The following PACSIN2 variants were observed in gnomAD, a reference collection of about 807,000 sequenced individuals.
PACSIN2 encodes protein kinase C and casein kinase substrate in neurons 2.
Under a neutral mutation model 63.8 loss-of-function variants are expected in PACSIN2, and 25 were observed. The observed-to-expected ratio is 0.39, with a 90% CI of 0.29 to 0.55. The LOEUF (loss-of-function observed/expected upper bound fraction) is 0.55. Ranked by LOEUF, PACSIN2 falls within the 20% of genes least tolerant of loss-of-function variation. The pLI, the probability that PACSIN2 is intolerant of heterozygous loss-of-function variation, is 0.62. For synonymous variants in PACSIN2, 255 were observed against 256.2 expected (o/e 1.00, Z 0.05); for missense variants, 518 against 646.9 (o/e 0.80, Z 2.16).
chr22:42,871,584 C>T lies in PACSIN2; in HGVS notation c.1349-115G>A, dbSNP rs1041730612. The T allele has an allele frequency of 2.3e-5, 19 of 810,760 alleles. No individual in the cohort carries two copies. Among genetic ancestry groups the T allele is most frequent in the Admixed American group, 3.9e-5 (2 of 51,078 alleles). The allele number at this position is 810,760 out of a possible 1,614,324, so 50.2% of individuals were successfully genotyped here. ...GGGTGGAGGGCCAGGCATTCTGTGG[C>T]GGGCAGGCCGAGGGCCTGGTCATTT... On this transcript the variant is annotated intron_variant, in intron 10 of 10. Coordinates refer to ENST00000263246, the MANE Select transcript of PACSIN2 (RefSeq NM_001184970.3). This position sits in a 1 kb window ranked among gnomAD's most constrained non-coding sequence, Gnocchi z 5.4.
intron 2 of PACSIN2, among the ~76,000 whole-genome samples, chr22:42,898,186 A>C (rs1007770037): frequency 1.3e-5 from 2 of 152,010 alleles, no homozygotes; most frequent in African/African-American, 4.8e-5. Flanking sequence ...GGTCGTGGGA[A>C]TCCCTGGCTC....
At chr22:42,960,915 T>C (rs1215196495) in intron 1 of PACSIN2, among the ~76,000 whole-genome samples, 2 of 152,210 alleles carry the variant, frequency 1.3e-5, no homozygotes, top group Admixed American at 6.5e-5. Context: ...AGAGTAGATA[T>C]GGAAACCAAC....
intron 1 of PACSIN2, among the ~76,000 whole-genome samples, chr22:42,926,990 T>A (rs1035944263): frequency 6.6e-6 from 1 of 152,170 alleles, no homozygotes; most frequent in African/African-American, 2.4e-5. Flanking sequence ...CTGGCTCTCC[T>A]CTTTCCAGCC....
chr22:42,960,123 C>T (rs957186785), intron 1 of PACSIN2, among the ~76,000 whole-genome samples: 2 of 152,096 alleles, frequency 1.3e-5, no homozygotes, highest in Admixed American at 6.6e-5. Context: ...ACCCCCTCCC[C>T]AACACACAAA....
intron 2 of PACSIN2, 81 bp from the exon 3 acceptor site, chr22:42,893,694 C>A: frequency 6.8e-7 from 1 of 1,462,546 alleles, no homozygotes; most frequent in Non-Finnish European, 9.4e-7. Context: ...TCCATGCCAA[C>A]CAGGCCCTGA....
intron 4 of PACSIN2, among the ~76,000 whole-genome samples, chr22:42,890,674 C>T (rs1286216244): frequency 6.6e-6 from 1 of 152,194 alleles, no homozygotes; most frequent in Non-Finnish European, 1.5e-5. Flanking sequence ...GAGATTGCAC[C>T]ACTGCACTCC....
intron 1 of PACSIN2, among the ~76,000 whole-genome samples, chr22:42,949,456 A>G (rs909706056): frequency 3.4e-5 from 5 of 148,790 alleles, no homozygotes; most frequent in Non-Finnish European, 5.9e-5. Context: ...TCATACACAC[A>G]CGCGCGCGCA....
intron 1 of PACSIN2, among the ~76,000 whole-genome samples, chr22:42,943,866 C>T (rs1284744361): frequency 2.0e-5 from 3 of 151,934 alleles, no homozygotes; most frequent in Admixed American, 6.6e-5. Flanking sequence ...TTGCACAATA[C>T]AATATAGAAA....
chr22:42,978,478 A>G (rs1009830035), intron 1 of PACSIN2, among the ~76,000 whole-genome samples: 1 of 152,216 alleles, frequency 6.6e-6, no homozygotes, highest in Admixed American at 6.5e-5. Flanking sequence ...TTGGTGGCAG[A>G]GCCAAAAGTC....
intron 1 of PACSIN2, among the ~76,000 whole-genome samples, chr22:42,956,699 A>C (rs1019974066): frequency 1.3e-5 from 2 of 152,094 alleles, no homozygotes; most frequent in African/African-American, 2.4e-5. Context: ...GACATGAAAA[A>C]GGCCCAAACA....
intron 1 of PACSIN2, among the ~76,000 whole-genome samples, chr22:42,983,964 C>CTTT (rs532427677): frequency 4.9e-4 from 51 of 104,612 alleles, no homozygotes; most frequent in African/African-American, 1.1e-3. Flanking sequence ...GCACTTAGCA[C>CTTT]TTTTTTTTTT....
At chr22:43,014,625 C>T (rs910768878) in intron 1 of PACSIN2, among the ~76,000 whole-genome samples, 2 of 152,000 alleles carry the variant, frequency 1.3e-5, no homozygotes, top group Non-Finnish European at 2.9e-5. Flanking sequence ...CCCAGCTCCC[C>T]CTTCTGCAGC....
chr22:42,987,399 A>C lies in PACSIN2; in HGVS notation c.-78+27622T>G, dbSNP rs1327122169. Among the ~76,000 whole-genome samples, 28 of 147,926 alleles carry C rather than the reference A, an allele frequency of 1.9e-4. No homozygotes were observed. The Admixed American group carries it at 1.9e-3, about 10-fold the overall frequency. On this transcript the variant is annotated intron_variant, in intron 1 of 10. Transcript: ENST00000263246. Reference sequence around the variant, plus strand: ...CAGGTGGCTCTGCCCGAGGGACCTCACTGGCCACCCAGCATGTGGTTTGAG... The same window carrying C: ...CAGGTGGCTCTGCCCGAGGGACCTCCCTGGCCACCCAGCATGTGGTTTGAG...
intron 1 of PACSIN2, among the ~76,000 whole-genome samples, chr22:42,919,774 A>AC (rs1314084585): frequency 9.4e-6 from 1 of 106,038 alleles, no homozygotes; most frequent in Non-Finnish European, 1.8e-5. Flanking sequence ...ACCTGTCTCA[A>AC]AAAAAAAAAA....
chr22:42,946,700 A>G (rs1262132858), intron 1 of PACSIN2, among the ~76,000 whole-genome samples: 1 of 152,198 alleles, frequency 6.6e-6, no homozygotes, highest in Non-Finnish European at 1.5e-5. Flanking sequence ...GCATGCGCAC[A>G]CACATGATCC....
In PACSIN2 at chr22:42,961,690, T is replaced by C. The variant is rs146014246; in HGVS notation, c.-77-49533A>G. On this transcript the variant is annotated intron_variant, in intron 1 of 10. Coordinates refer to ENST00000263246, the MANE Select transcript of PACSIN2 (RefSeq NM_001184970.3). The stretch of plus-strand genomic sequence containing the variant: ...CAGGAGGCTGAGGCACGAGAATCGC[T>C]TGACCCCAGGGAGCAGAGGTTGCAG... 1.9e-4 allele frequency among the ~76,000 whole-genome samples: 29 copies of C among 152,212 alleles called. No homozygotes were observed. In the East Asian group the frequency reaches 5.6e-3, roughly 29 times the overall value.
chr22:42,876,910 TCTCA>T lies in PACSIN2; in HGVS notation c.1125_1128del (p.Ser375ArgfsTer10). 6.2e-7 allele frequency: 1 copy of T among 1,614,144 alleles called. No homozygotes were observed. Among genetic ancestry groups the T allele is most frequent in the Non-Finnish European group, 8.5e-7 (1 of 1,180,024 alleles). On this transcript the variant is annotated frameshift_variant, in exon 9 of 11. Coordinates refer to ENST00000263246, the MANE Select transcript of PACSIN2 (RefSeq NM_001184970.3). LOFTEE classifies it high-confidence loss of function. ...AACTTTTTGGCCTTAGTGTCGTCCT[TCTCA>T]CTGACGGTGCTGCCCGTGTCGTCCT...
chr22:42,968,706 G>A (rs553390430), intron 1 of PACSIN2, among the ~76,000 whole-genome samples: 8 of 152,256 alleles, frequency 5.3e-5, no homozygotes, highest in African/African-American at 1.7e-4. Context: ...CAATCTGCCG[G>A]GGGCCTAAAA....
In PACSIN2 at chr22:42,988,866, T is replaced by A. The variant is rs189584565; in HGVS notation, c.-78+26155A>T. On this transcript the variant is annotated intron_variant, in intron 1 of 10. Coordinates refer to ENST00000263246, the MANE Select transcript of PACSIN2 (RefSeq NM_001184970.3). ...AAAATATAGAAACTTAAATCCATGA[T>A]CTGAAAGGTGGTCAAAGAAATTTTT... 2.2e-3 allele frequency among the ~76,000 whole-genome samples: 314 copies of A among 144,484 alleles called. 1 individual carries two copies. Among genetic ancestry groups the A allele is most frequent in the Non-Finnish European group, 2.4e-3 (158 of 66,634 alleles). 94.8% of individuals were successfully genotyped at this position (144,484 alleles called of 152,430 possible). A position where few individuals can be genotyped will look rare whatever the true frequency, so the allele number is the denominator to read the frequency against.
Sources: gnomAD v4.1 joint callset for allele counts (sites outside exome capture counted in the v4.1 genomes callset) on GRCh38, gnomAD v4.1.1 for gene constraint, Gnocchi (gnomAD v3.1) non-coding constraint, MANE v1.5 for transcripts, NCBI Gene and HGNC (gene_info 2026-07-23, HGNC 2026-07-21) for gene names.